NUCKS1: variants seen among roughly 807,000 people sequenced by gnomAD.
NUCKS1 encodes the protein nuclear ubiquitous casein and cyclin-dependent kinase substrate 1.
Under a neutral mutation model 33.0 loss-of-function variants are expected in NUCKS1, and 2 were observed. The observed-to-expected ratio is 0.06, with a 90% confidence interval of 0.02 to 0.19. NUCKS1 has a LOEUF of 0.19. NUCKS1 is among the 10% of genes least tolerant of loss of function. The probability of loss-of-function intolerance (pLI) is 1.00; values close to 1 mark genes in which losing one functional copy is unlikely to be tolerated. For missense variants in NUCKS1, 201 were observed against 293.6 expected, an observed-to-expected ratio of 0.68 and a Z score of 2.31; for synonymous variants, 106 against 102.8, an observed-to-expected ratio of 1.03 and a Z score of -0.19.
chr1:205,733,619 ATAAAT>A (rs1487426986), intron 1 of NUCKS1, among the ~76,000 whole-genome samples: 2 of 151,720 alleles, frequency 1.3e-5, no homozygotes, highest in African/African-American at 4.8e-5. Flanking sequence ...TGTTTAAATA[ATAAAT>A]TAAATAATAA....
At chr1:205,737,588 C>A (rs900429062) in intron 1 of NUCKS1, among the ~76,000 whole-genome samples, 1 of 152,190 alleles carries the variant, frequency 6.6e-6, no homozygotes, top group African/African-American at 2.4e-5. Context: ...CTTACAAGGA[C>A]CTATGTGAAG....
chr1:205,723,446 C>T (rs74687252), intron 4 of NUCKS1, among the ~76,000 whole-genome samples: 2,004 of 152,242 alleles, frequency 0.013, 21 homozygotes, highest in South Asian at 0.027. Context: ...AAAACTTTCT[C>T]TATGGCTACT....
chr1:205,718,589 C>T, intron 6 of NUCKS1, 110 bp from the exon 7 acceptor site: 1 of 1,495,740 alleles, frequency 6.7e-7, no homozygotes, highest in South Asian at 1.3e-5. Context: ...AGACAATATG[C>T]AACTTACTAA....
Position 205,714,290 on chromosome 1 carries a change from C to G in NUCKS1, c.*3990G>C, listed in dbSNP as rs1407797175. Reference sequence around the variant, plus strand: ...GAACAACAAAAAAATCCCAATTTTACCCTCCCCCAATAATCTAGAAAACCC... The same window carrying G: ...GAACAACAAAAAAATCCCAATTTTAGCCTCCCCCAATAATCTAGAAAACCC... On this transcript the variant is annotated 3_prime_UTR_variant, in exon 7 of 7. Coordinates refer to ENST00000367142, the MANE Select transcript of NUCKS1 (RefSeq NM_022731.5). The G allele has an allele frequency of 6.6e-6, 1 of 152,028 alleles. No individual in the cohort carries two copies. Among genetic ancestry groups the G allele is most frequent in the African/African-American group, 2.4e-5 (1 of 41,392 alleles). The allele number at this position is 152,028 out of a possible 1,614,324, so 9.4% of individuals were successfully genotyped here.
intron 1 of NUCKS1, among the ~76,000 whole-genome samples, chr1:205,739,119 G>A (rs1038408934): frequency 1.3e-5 from 2 of 152,168 alleles, no homozygotes; most frequent in Admixed American, 6.5e-5. Flanking sequence ...TGTCACAAGA[G>A]GAGCTAATTA....
intron 1 of NUCKS1, among the ~76,000 whole-genome samples, chr1:205,737,314 A>G (rs1654056707): frequency 6.6e-6 from 1 of 152,194 alleles, no homozygotes; most frequent in Non-Finnish European, 1.5e-5. Context: ...CCATAATCTA[A>G]GACCGTTTGG....
At chr1:205,720,189 A>T (rs1440507127) in intron 5 of NUCKS1, among the ~76,000 whole-genome samples, 7 of 152,218 alleles carry the variant, frequency 4.6e-5, no homozygotes, top group African/African-American at 1.7e-4. Flanking sequence ...CTCCTCCACC[A>T]GGGCAAAATA....
At chr1:205,730,622 G>T (rs566548188) in intron 1 of NUCKS1, among the ~76,000 whole-genome samples, 1 of 151,980 alleles carries the variant, frequency 6.6e-6, no homozygotes, top group East Asian at 2.0e-4. Context: ...CCGAGTAGCT[G>T]AGATTACAGG....
chr1:205,719,159 C>T (rs1671878948), intron 6 of NUCKS1, among the ~76,000 whole-genome samples: 1 of 152,162 alleles, frequency 6.6e-6, no homozygotes, highest in South Asian at 2.1e-4. Context: ...TAGGTTTGTG[C>T]ATTTTCACAA....
intron 2 of NUCKS1, among the ~76,000 whole-genome samples, chr1:205,728,898 G>T (rs7513645): frequency 6.6e-6 from 1 of 151,946 alleles, no homozygotes; most frequent in East Asian, 1.9e-4. Context: ...TTTTATTGTA[G>T]TAACAGCAGG....
chr1:205,744,529 C>A (rs1469752797), intron 1 of NUCKS1, among the ~76,000 whole-genome samples: 3 of 149,908 alleles, frequency 2.0e-5, no homozygotes, highest in Non-Finnish European at 4.4e-5. Context: ...CCAAAAAGTT[C>A]TGAAAATTAA....
At chr1:205,726,109 G>C (rs1653768433) in intron 3 of NUCKS1, among the ~76,000 whole-genome samples, 1 of 152,198 alleles carries the variant, frequency 6.6e-6, no homozygotes. Context: ...TGAGGCAAGA[G>C]AATCACTTGA....
At chr1:205,734,163 G>A (rs1229259004) in intron 1 of NUCKS1, among the ~76,000 whole-genome samples, 1 of 152,032 alleles carries the variant, frequency 6.6e-6, no homozygotes, top group Non-Finnish European at 1.5e-5. Flanking sequence ...ACAGGTGTGA[G>A]CCACCAGGCC....
In NUCKS1 at chr1:205,717,691, A is replaced by G; in HGVS notation, c.*589T>C. 1.0e-6 allele frequency: 1 copy of G among 985,370 alleles called. No individual in the cohort carries two copies. Among genetic ancestry groups the G allele is most frequent in the Non-Finnish European group, 1.2e-6 (1 of 829,926 alleles). 61.0% of individuals were successfully genotyped at this position (985,370 alleles called of 1,614,324 possible). On this transcript the variant is annotated 3_prime_UTR_variant, in exon 7 of 7. Transcript: ENST00000367142. Reference sequence around the variant, plus strand: ...TAGTAACAGTTCAGAATTCATCTTTATCTCCTACCTGCCTCATCGGTGGAA... The same window carrying G: ...TAGTAACAGTTCAGAATTCATCTTTGTCTCCTACCTGCCTCATCGGTGGAA...
At chr1:205,727,564 G>A in intron 3 of NUCKS1, 136 bp downstream of exon 3, 3 of 671,720 alleles carry the variant, frequency 4.5e-6, no homozygotes, top group South Asian at 3.3e-5. Context: ...GAGATAATAT[G>A]AAATATGCAA....
chr1:205,743,929 G>T (rs77521968), intron 1 of NUCKS1, among the ~76,000 whole-genome samples: 2,008 of 151,948 alleles, frequency 0.013, 20 homozygotes, highest in South Asian at 0.027. Context: ...TGTCCTTTAG[G>T]TGGCTTTGGA....
At chr1:205,743,984 A>G (rs1352418342) in intron 1 of NUCKS1, among the ~76,000 whole-genome samples, 1 of 152,162 alleles carries the variant, frequency 6.6e-6, no homozygotes, top group African/African-American at 2.4e-5. Context: ...GAAACGTATA[A>G]ACTTAAAACA....
At chr1:205,748,964 G>C (rs1654401374) in intron 1 of NUCKS1, among the ~76,000 whole-genome samples, 2 of 152,108 alleles carry the variant, frequency 1.3e-5, no homozygotes, top group Admixed American at 6.5e-5. Context: ...CCATACAATA[G>C]CCTGGAGAAT....
In NUCKS1 at chr1:205,719,718, C is replaced by T. The variant is rs1033580661; in HGVS notation, c.383-42G>A. The T allele has an allele frequency of 8.2e-6, 13 of 1,582,508 alleles. No homozygotes were observed. In the African/African-American group the frequency reaches 1.1e-4, roughly 13 times the overall value. ...ATTTCAACATCTAACTTAATGTACA[C>T]ATCCTTCCAAGTAAAAAAGGAAGAG... On this transcript the variant is annotated intron_variant, in intron 5 of 6. Coordinates refer to ENST00000367142, the MANE Select transcript of NUCKS1 (RefSeq NM_022731.5).
Sources: allele counts gnomAD v4.1 joint callset (sites outside exome capture counted in the v4.1 genomes callset), GRCh38; gene constraint gnomAD v4.1.1; transcripts MANE v1.5; gene names NCBI Gene and HGNC (gene_info 2026-07-23, HGNC 2026-07-21).